The following SORCS3 variants were observed in gnomAD, a reference collection of about 807,000 sequenced individuals.
The protein encoded by SORCS3 is sortilin related VPS10 domain containing receptor 3.
Under a neutral mutation model 146.3 loss-of-function variants are expected in SORCS3, and 57 were observed. The ratio of observed to expected loss-of-function variants is 0.39; its 90% CI spans 0.31 to 0.49. The LOEUF (loss-of-function observed/expected upper bound fraction) is 0.49. Ranked by LOEUF, SORCS3 falls within the 20% of genes least tolerant of loss-of-function variation. The pLI is 0.92. For missense variants in SORCS3, 1,341 were observed against 1,575.5 expected (o/e 0.85, Z 2.52); for synonymous variants, 653 against 618.5 (o/e 1.06, Z -0.83).
chr10:104,701,394 T>C (rs1223399360), intron 1 of SORCS3, among the ~76,000 whole-genome samples: 3 of 152,206 alleles, frequency 2.0e-5, no homozygotes, highest in Admixed American at 2.0e-4. Context: ...GCACTCTTAA[T>C]TACAAATCAG....
intron 18 of SORCS3, 33 bp downstream of exon 18, chr10:105,214,646 C>A: frequency 6.6e-7 from 1 of 1,521,624 alleles, no homozygotes; most frequent in Non-Finnish European, 8.8e-7. Context: ...GAGGTCAGAA[C>A]TCCCAACCAG....
intron 3 of SORCS3, among the ~76,000 whole-genome samples, chr10:104,962,614 C>A (rs1308070730): frequency 1.3e-5 from 2 of 152,132 alleles, no homozygotes; most frequent in Non-Finnish European, 1.5e-5. Flanking sequence ...GAGTTGTGCT[C>A]ACCATGTGGA....
At chr10:104,712,471 T>G (rs1401864212) in intron 1 of SORCS3, among the ~76,000 whole-genome samples, 1 of 152,252 alleles carries the variant, frequency 6.6e-6, no homozygotes, top group Non-Finnish European at 1.5e-5. Context: ...TGCTATTTTC[T>G]AAGCCATCCT....
chr10:105,139,543 A>G, intron 8 of SORCS3, 57 bp downstream of exon 8: 4 of 1,381,884 alleles, frequency 2.9e-6, no homozygotes, highest in Non-Finnish European at 4.1e-6. Flanking sequence ...AGGGTTGGAG[A>G]GGCTGCTTTG....
Position 105,039,882 on chromosome 10 carries a change from A to G in SORCS3, c.955-3173A>G, listed in dbSNP as rs77920693. ...AAACTGATGATTTCTCTGAGGATGG[A>G]GACTCTAACAGTGTCAGTGTGACCC... On this transcript the variant is annotated intron_variant, in intron 4 of 26. Transcript: ENST00000369701. Among the ~76,000 whole-genome samples the G allele has an allele frequency of 9.4e-3, 1,434 of 152,212 alleles. 18 individuals are homozygous for G. Among genetic ancestry groups the G allele is most frequent in the African/African-American group, 0.032 (1,336 of 41,538 alleles).
chr10:104,706,372 G>C (rs957114440), intron 1 of SORCS3, among the ~76,000 whole-genome samples: 9 of 151,450 alleles, frequency 5.9e-5, no homozygotes, highest in African/African-American at 2.2e-4. Context: ...CCACGCCCAG[G>C]TGATTTTTGT....
At chr10:104,934,315 T>C (rs1424836711) in intron 3 of SORCS3, among the ~76,000 whole-genome samples, 1 of 152,178 alleles carries the variant, frequency 6.6e-6, no homozygotes, top group African/African-American at 2.4e-5. Context: ...TATGAGACAA[T>C]AGGTCTAGGC....
At chr10:104,979,254 G>A (rs1317367944) in intron 4 of SORCS3, among the ~76,000 whole-genome samples, 1 of 152,160 alleles carries the variant, frequency 6.6e-6, no homozygotes, top group African/African-American at 2.4e-5. Context: ...GAATGAATTA[G>A]TGGATGAATG....
chr10:104,769,233 G>A (rs1027706487), intron 1 of SORCS3, among the ~76,000 whole-genome samples: 2 of 152,204 alleles, frequency 1.3e-5, no homozygotes, highest in African/African-American at 2.4e-5. Context: ...ACTCCTTCCA[G>A]GGGCTCTAGA....
chr10:105,050,857 G>A (rs117792039), intron 5 of SORCS3, among the ~76,000 whole-genome samples: 1,957 of 152,140 alleles, frequency 0.013, 20 homozygotes, highest in Non-Finnish European at 0.02. Context: ...AACTACTTCT[G>A]TCTTGGACTA....
At chr10:105,152,928 T>C (rs1411775503) in intron 9 of SORCS3, among the ~76,000 whole-genome samples, 4 of 135,072 alleles carry the variant, frequency 3.0e-5, no homozygotes, top group African/African-American at 1.1e-4. Context: ...CTTAGGCTTT[T>C]CTCACTATTA....
At chr10:105,021,667 C>T (rs557417612) in intron 4 of SORCS3, among the ~76,000 whole-genome samples, 11 of 152,116 alleles carry the variant, frequency 7.2e-5, no homozygotes, top group South Asian at 2.1e-4. Context: ...AAATACATAC[C>T]GCATAATATA....
At chr10:105,221,524 T>C (rs2056702530) in intron 19 of SORCS3, among the ~76,000 whole-genome samples, 2 of 152,210 alleles carry the variant, frequency 1.3e-5, no homozygotes, top group Non-Finnish European at 2.9e-5. Flanking sequence ...CCCTTATTTT[T>C]AGAACAAGGT....
At chr10:105,064,519 C>A (rs1181183496) in intron 5 of SORCS3, among the ~76,000 whole-genome samples, 1 of 152,160 alleles carries the variant, frequency 6.6e-6, no homozygotes, top group African/African-American at 2.4e-5. Flanking sequence ...ATGGCTCAGT[C>A]CAAGTCCAAC....
chr10:105,230,614 G>A (rs2056760675), intron 20 of SORCS3, among the ~76,000 whole-genome samples: 1 of 152,174 alleles, frequency 6.6e-6, no homozygotes. Context: ...TATGGGTGGG[G>A]AGAGGGGTTC....
intron 3 of SORCS3, among the ~76,000 whole-genome samples, chr10:104,926,972 T>C (rs1018845717): frequency 2.6e-5 from 4 of 152,334 alleles, no homozygotes; most frequent in Middle Eastern, 3.4e-3. Flanking sequence ...ATAAAGATAA[T>C]AATGATTTGC....
At chr10:105,147,563 T>C (rs2056139939) in intron 8 of SORCS3, 54 bp from the exon 9 acceptor site, 2 of 1,477,284 alleles carry the variant, frequency 1.4e-6, no homozygotes, top group African/African-American at 1.4e-5. Flanking sequence ...GGCATCCCAA[T>C]GGGCAGAGAG....
At chr10:105,161,665 A>G (rs890346469) in intron 11 of SORCS3, among the ~76,000 whole-genome samples, 13 of 152,192 alleles carry the variant, frequency 8.5e-5, no homozygotes, top group African/African-American at 3.1e-4. Context: ...TCAAGCTAGT[A>G]ATAAAGACCT....
rs1407575294 is a variant in SORCS3 at position 104,641,846 on chromosome 10, T to C, written c.519T>C (p.Ala173=). The change falls in exon 1 of 27, where the codon GCT becomes GCC. Residue 173 remains alanine (A), a synonymous_variant. Coordinates refer to ENST00000369701, the MANE Select transcript of SORCS3 (RefSeq NM_014978.3). The surrounding 1 kb of genome is among the most constrained non-coding windows in gnomAD (Gnocchi z 6.4). The part of the protein sequence containing the change: ...GSREEVKAPR[A]GGSAAEDLRL... ...GGGAGGAGGTGAAGGCGCCGCGGGC[T>C]GGGGGGTCGGCGGCTGAAGACCTCC... The C allele has an allele frequency of 2.7e-5, 43 of 1,569,308 alleles. No homozygotes were observed. Among genetic ancestry groups the C allele is most frequent in the Non-Finnish European group, 3.6e-5 (42 of 1,160,258 alleles).
Sources: gnomAD v4.1 joint callset for allele counts (sites outside exome capture counted in the v4.1 genomes callset) on GRCh38, gnomAD v4.1.1 for gene constraint, Gnocchi (gnomAD v3.1) non-coding constraint, MANE v1.5 for transcripts, NCBI Gene and HGNC (gene_info 2026-07-23, HGNC 2026-07-21) for gene names.